The following KRT6C variants were observed in gnomAD, a reference collection of about 807,000 sequenced individuals.
KRT6C encodes keratin, type II cytoskeletal 6C.
A neutral mutation model predicts 49.4 loss-of-function variants in KRT6C; 46 were observed. The ratio of observed to expected loss-of-function variants is 0.93; its 90% CI spans 0.74 to 1.19. The LOEUF (loss-of-function observed/expected upper bound fraction) is 1.19. Among genes scored for constraint, KRT6C ranks in the 50% most tolerant of loss-of-function variants. The pLI is 0.00. For missense variants in KRT6C, 552 were observed against 737.5 expected, an observed-to-expected ratio of 0.75 and a Z score of 2.91; for synonymous variants, 236 against 297.1, an observed-to-expected ratio of 0.79 and a Z score of 2.12.
chr12:52,470,474 T>C (rs1565808294), intron 6 of KRT6C, 31 bp downstream of exon 6: 3 of 1,614,130 alleles, frequency 1.9e-6, no homozygotes, highest in African/African-American at 1.3e-5. Flanking sequence ...CAAAAAATGA[T>C]GCTTCTTTCC....
chr12:52,473,024 G>A (rs1004597273), intron 1 of KRT6C, among the ~76,000 whole-genome samples, 174 bp downstream of exon 1: 3 of 149,556 alleles, frequency 2.0e-5, no homozygotes, highest in African/African-American at 7.3e-5. Context: ...GAGATCCCAT[G>A]GGGGAGTGAT....
At chr12:52,471,090 T>G (rs1442000901) in intron 5 of KRT6C, 42 bp downstream of exon 5, 2 of 1,614,102 alleles carry the variant, frequency 1.2e-6, no homozygotes, top group African/African-American at 1.3e-5. Flanking sequence ...TATTCCAGGA[T>G]GGACACAAGG....
Position 52,472,242 on chromosome 12 carries a change from G to T in KRT6C, c.579C>A (p.Thr193=), listed in dbSNP as rs375377584. ...FLEQQNKVLD[T]KWTLLQEQGT... is the part of the protein sequence containing the mutation. ...CCTGCTCCTGCAGCAGGGTCCACTT[G>T]GTGTCCAGAACCTTGTTCTGCTGCT... The change falls in exon 2 of 9, where the codon ACC becomes ACA. Residue 193 remains threonine (T), a synonymous_variant. Transcript: ENST00000252250. The T allele has an allele frequency of 6.2e-6, 9 of 1,446,772 alleles. No individual in the cohort carries two copies. In the African/African-American group the frequency reaches 6.7e-5, roughly 11 times the overall value. 89.6% of individuals were successfully genotyped at this position (1,446,772 alleles called of 1,614,324 possible).
chr12:52,470,463 G>A, intron 6 of KRT6C, 42 bp downstream of exon 6: 1 of 1,613,966 alleles, frequency 6.2e-7, no homozygotes, highest in African/African-American at 1.3e-5. Flanking sequence ...GATGGGTCTA[G>A]CAAAAAATGA....
chr12:52,471,218 C>G lies in KRT6C; in HGVS notation c.991G>C (p.Asp331His), dbSNP rs760159262. 1.8e-5 allele frequency: 29 copies of G among 1,614,088 alleles called. No homozygotes were observed. The highest frequency in any genetic ancestry group is 2.4e-5 in the Non-Finnish European group (28 of 1,180,038). ...SMDNNRNLDL[D>H]SIIAEVKAQY... ...GCCTTGACCTCAGCGATGATGCTGT[C>G]CAGGTCCAGGTTGCGGTTGTTGTCC... Residue 331 changes from aspartate to histidine, a missense_variant, in exon 5 of 9, where the codon GAC becomes CAC. This residue lies in a region of KRT6C where 425 missense variants were observed against 439.4 expected (regional missense o/e 0.97). Transcript: ENST00000252250.
At position 52,469,039 on chromosome 12, in the gene KRT6C, G is replaced by T; in HGVS notation, c.*23C>A. The T allele has an allele frequency of 6.2e-7, 1 of 1,614,030 alleles. No homozygotes were observed. Among genetic ancestry groups the T allele is most frequent in the South Asian group, 1.1e-5 (1 of 91,070 alleles). On this transcript the variant is annotated 3_prime_UTR_variant, in exon 9 of 9. Transcript: ENST00000252250. ...CCAGAGAAGGGCCTGAGGACTGTGG[G>T]ACCGAGAGCTGGAGGCAGCACTTTA...
rs918082508 is a variant in KRT6C, at chr12:52,471,188, A to G, written c.1021T>C (p.Tyr341His). 5 of 1,613,972 alleles carry G rather than the reference A, an allele frequency of 3.1e-6. No individual in the cohort carries two copies. Among genetic ancestry groups the G allele is most frequent in the Admixed American group, 3.3e-5 (2 of 60,006 alleles). The part of the protein sequence containing the change: ...DSIIAEVKAQ[Y>H]EEIAQRSRAE... ...CGGCTCCTCTGAGCAATCTCCTCGTATTGGGCCTTGACCTCAGCGATGATG... is the reference window on the plus strand; with the variant it reads ...CGGCTCCTCTGAGCAATCTCCTCGTGTTGGGCCTTGACCTCAGCGATGATG... The change falls in exon 5 of 9, where the codon TAC (tyrosine) becomes CAC (histidine). Residue 341 changes from tyrosine to histidine, a missense_variant. By Grantham distance (83) the Tyr-to-His change is moderately conservative. This residue lies in a region of KRT6C where 425 missense variants were observed against 439.4 expected (regional missense o/e 0.97). Coordinates refer to ENST00000252250, the MANE Select transcript of KRT6C (RefSeq NM_173086.5).
intron 2 of KRT6C, 94 bp from the exon 3 acceptor site, chr12:52,471,826 A>T: frequency 1.2e-5 from 17 of 1,451,454 alleles, no homozygotes; most frequent in Non-Finnish European, 1.7e-5. Context: ...AATGGAATAT[A>T]TTCTAATTGA....
In KRT6C at chr12:52,470,552, G is replaced by A. The variant is rs770832964; in HGVS notation, c.1156C>T (p.Arg386Cys). The A allele has an allele frequency of 1.7e-5, 27 of 1,614,038 alleles. No individual in the cohort carries two copies. The highest frequency in any genetic ancestry group is 1.0e-4 in the Admixed American group (6 of 60,000). Residue 386 changes from arginine to cysteine, a missense_variant, in exon 6 of 9, where the codon CGC becomes TGC. Around this residue, in one of 3 missense-constraint regions of KRT6C, gnomAD observed 425 missense variants for 439.4 expected, o/e 0.97. Coordinates refer to ENST00000252250, the MANE Select transcript of KRT6C (RefSeq NM_173086.5). Reference protein sequence around the residue: ...NTKQEIAEINRMIQRLRSEID... With the variant: ...NTKQEIAEINCMIQRLRSEID... ...TCAGATCTCAGCCTCTGGATCATGC[G>A]GTTGATCTCAGCAATCTCCTGCTTG...
rs147097073 is a variant in KRT6C, at chr12:52,469,766, C to T, written c.1328G>A (p.Arg443Gln). 223 of 1,614,144 alleles carry T rather than the reference C, an allele frequency of 1.4e-4. 4 individuals carry two copies. In the Admixed American group the frequency reaches 3.1e-3, roughly 22 times the overall value. Reference sequence around the variant, plus strand: ...CAGCTCCTGGTACTCCTTCAGCAGCCGGGCCAGGTCCTGCTTGGCCTTCTG... The same window carrying T: ...CAGCTCCTGGTACTCCTTCAGCAGCTGGGCCAGGTCCTGCTTGGCCTTCTG... The part of the protein sequence containing the change: ...ALQKAKQDLA[R>Q]LLKEYQELMN... The change falls in exon 7 of 9, where the codon CGG becomes CAG. Residue 443 changes from arginine (R) to glutamine (Q), a missense_variant. Arg to Gln is a conservative substitution (Grantham distance 43). This residue lies in a region of KRT6C where 425 missense variants were observed against 439.4 expected (regional missense o/e 0.97). Coordinates refer to ENST00000252250, the MANE Select transcript of KRT6C (RefSeq NM_173086.5).
Position 52,473,562 on chromosome 12 carries a change from C to G in KRT6C, c.176G>C (p.Arg59Pro), listed in dbSNP as rs766809405. The G allele has an allele frequency of 6.3e-7, 1 of 1,594,062 alleles. No homozygotes were observed. The highest frequency in any genetic ancestry group is 8.6e-7 in the Non-Finnish European group (1 of 1,169,304). ...GACGGAGFGS[R>P]SLYGLGGSKR... is the part of the protein sequence containing the mutation. ...GGAGCCCCCCAGGCCATACAGACTG[C>G]GGCTGCCAAAGCCAGCTCCTCCACA... The change falls in exon 1 of 9, where the codon CGC becomes CCC. Residue 59 changes from arginine to proline, a missense_variant. Coordinates refer to ENST00000252250, the MANE Select transcript of KRT6C (RefSeq NM_173086.5).
chr12:52,468,800 T>G lies in KRT6C; in HGVS notation c.*262A>C. 1.9e-6 allele frequency: 1 copy of G among 525,142 alleles called. No homozygotes were observed. Among genetic ancestry groups the G allele is most frequent in the Non-Finnish European group, 3.4e-6 (1 of 294,562 alleles). 32.5% of individuals were successfully genotyped at this position (525,142 alleles called of 1,614,324 possible). On this transcript the variant is annotated 3_prime_UTR_variant, in exon 9 of 9. Transcript: ENST00000252250. ...AGAGAACAATTTTGGAGGCAAGAAA[T>G]TAATAATTTAGTAACAAAGTGAAGC... is the stretch of plus-strand genomic sequence containing the variant.
At position 52,469,280 on chromosome 12, in the gene KRT6C, T is replaced by C. The variant is rs762033210; in HGVS notation, c.1477A>G (p.Ile493Val). 3.3e-5 allele frequency: 54 copies of C among 1,613,774 alleles called. No individual in the cohort carries two copies. Among genetic ancestry groups the C allele is most frequent in the East Asian group, 2.0e-4 (9 of 44,882 alleles). Residue 493 changes from isoleucine to valine, a missense_variant, in exon 9 of 9, where the codon ATC becomes GTC. By Grantham distance (29) the Ile-to-Val change is conservative (BLOSUM62 3). Transcript: ENST00000252250. Reference sequence around the variant, plus strand: ...CTGGCACCGCCATAGCCACTGGAGATGGTGGACTGTACTACAGCTGTGGTG... The same window carrying C: ...CTGGCACCGCCATAGCCACTGGAGACGGTGGACTGTACTACAGCTGTGGTG... ...QVNVSVVQSTISSGYGGASGV... is the reference protein window; with the variant it reads ...QVNVSVVQSTVSSGYGGASGV...
intron 6 of KRT6C, 40 bp downstream of exon 6, chr12:52,470,465 A>G: frequency 6.2e-7 from 1 of 1,614,004 alleles, no homozygotes; most frequent in Non-Finnish European, 8.5e-7. Context: ...TGGGTCTAGC[A>G]AAAAATGATG....
chr12:52,470,035 A>G, intron 6 of KRT6C, 145 bp from the exon 7 acceptor site: 3 of 985,568 alleles, frequency 3.0e-6, no homozygotes, highest in East Asian at 5.2e-5. Flanking sequence ...CCATTTGGCA[A>G]TATTTGTCTA....
rs1937819550 is a variant in KRT6C, at chr12:52,468,893, T to G, written c.*169A>C. 4.0e-6 allele frequency: 3 copies of G among 754,422 alleles called. No homozygotes were observed. The Admixed American group carries it at 8.5e-5, about 21-fold the overall frequency. The allele number at this position is 754,422 out of a possible 1,614,324, so 46.7% of individuals were successfully genotyped here. On this transcript the variant is annotated 3_prime_UTR_variant, in exon 9 of 9. Coordinates refer to ENST00000252250, the MANE Select transcript of KRT6C (RefSeq NM_173086.5). ...TGATGGTGAGCAATGGGTGCTCAGA[T>G]GGGGCAGGTATAGACAGAGAGAAGT...
At position 52,471,510 on chromosome 12, in the gene KRT6C, C is replaced by T. The variant is rs1193181958; in HGVS notation, c.823G>A (p.Asp275Asn). The change falls in exon 4 of 9, where the codon GAT becomes AAT. Residue 275 changes from aspartate (D) to asparagine (N), a missense_variant. Around this residue, in one of 3 missense-constraint regions of KRT6C, gnomAD observed 425 missense variants for 439.4 expected, o/e 0.97. Coordinates refer to ENST00000252250, the MANE Select transcript of KRT6C (RefSeq NM_173086.5). ...TCAACCTTGTTCATGTAGGCAGCATCCACATCCTGGGGAAAGAGCCAACAA... is the reference window on the plus strand; with the variant it reads ...TCAACCTTGTTCATGTAGGCAGCATTCACATCCTGGGGAAAGAGCCAACAA... ...NEFVTLKKDV[D>N]AAYMNKVELQ... The T allele has an allele frequency of 1.2e-6, 2 of 1,613,388 alleles. No homozygotes were observed. The highest frequency in any genetic ancestry group is 1.3e-5 in the African/African-American group (1 of 74,698).
rs1298121438 is a variant in KRT6C at position 52,468,894 on chromosome 12, G to A, written c.*168C>T. The A allele has an allele frequency of 1.3e-6, 1 of 758,818 alleles. No individual in the cohort carries two copies. Among genetic ancestry groups the A allele is most frequent in the Non-Finnish European group, 2.1e-6 (1 of 466,944 alleles). The allele number at this position is 758,818 out of a possible 1,614,324, so 47.0% of individuals were successfully genotyped here. On this transcript the variant is annotated 3_prime_UTR_variant, in exon 9 of 9. Transcript: ENST00000252250. ...GATGGTGAGCAATGGGTGCTCAGAT[G>A]GGGCAGGTATAGACAGAGAGAAGTG... is the stretch of plus-strand genomic sequence containing the variant.
Position 52,471,466 on chromosome 12 carries a change from G to T in KRT6C, c.867C>A (p.Asp289Glu). 1 of 1,613,864 alleles carries T rather than the reference G, an allele frequency of 6.2e-7. No individual in the cohort carries two copies. The highest frequency in any genetic ancestry group is 1.7e-4 in the Middle Eastern group (1 of 6,056). Residue 289 changes from aspartate (D) to glutamate (E), a missense_variant, in exon 4 of 9, where the codon GAC becomes GAA. Asp to Glu is a conservative substitution (Grantham distance 45). Coordinates refer to ENST00000252250, the MANE Select transcript of KRT6C (RefSeq NM_173086.5). ...GGAAGTTGATCTCATCTGTGAGAGT[G>T]TCTGCCTTGGCTTGCAGTTCAACCT... ...MNKVELQAKA[D>E]TLTDEINFLR... is the part of the protein sequence containing the mutation.
Sources: allele counts gnomAD v4.1 joint callset (sites outside exome capture counted in the v4.1 genomes callset), GRCh38; gene constraint gnomAD v4.1.1; regional missense constraint gnomAD v4.1.1; transcripts MANE v1.5; gene names NCBI Gene and HGNC (gene_info 2026-07-23, HGNC 2026-07-21).